Variants in RRP8 observed in about 807,000 individuals in gnomAD.
RRP8 encodes the protein ribosomal RNA-processing protein 8.
Under a neutral mutation model 45.0 loss-of-function variants are expected in RRP8, and 48 were observed. That is an observed-to-expected ratio of 1.07 (90% CI 0.85 to 1.36). RRP8 has a LOEUF of 1.36. Ranked by LOEUF, RRP8 falls within the 40% of genes most tolerant of loss-of-function variation. RRP8 has a pLI of 0.00. For synonymous variants in RRP8, 274 were observed against 212.4 expected, an observed-to-expected ratio of 1.29 and a Z score of -2.52; for missense variants, 658 against 573.7, an observed-to-expected ratio of 1.15 and a Z score of -1.50.
rs1396345111 is a variant in RRP8 at position 6,602,363 on chromosome 11, T to C, written c.100-148A>G. On this transcript the variant is annotated intron_variant, in intron 1 of 6. Coordinates refer to ENST00000254605, the MANE Select transcript of RRP8 (RefSeq NM_015324.4). Reference sequence around the variant, plus strand: ...CTGCCAGAACCCAGAAGAACTTTTATGTCACCACCCCAACTTCTGGGAAGC... The same window carrying C: ...CTGCCAGAACCCAGAAGAACTTTTACGTCACCACCCCAACTTCTGGGAAGC... 4 of 897,100 alleles carry C rather than the reference T, an allele frequency of 4.5e-6. No individual in the cohort carries two copies. The African/African-American group carries it at 5.0e-5, about 11-fold the overall frequency. The allele number at this position is 897,100 out of a possible 1,614,324, so 55.6% of individuals were successfully genotyped here. A position where few individuals can be genotyped will look rare whatever the true frequency, so the allele number is the denominator to read the frequency against.
intron 1 of RRP8, among the ~76,000 whole-genome samples, chr11:6,602,703 G>A (rs1208886452): frequency 6.6e-6 from 1 of 152,212 alleles, no homozygotes; most frequent in Non-Finnish European, 1.5e-5. Context: ...TGGTAATGGG[G>A]CTAGGGGATG....
rs1367967710 is a variant in RRP8 at position 6,601,269 on chromosome 11, G to A, written c.797C>T (p.Ala266Val). ...AGGGTCTTCCTGGAAGAGACGCTGT[G>A]CAGCACTGCTGGGCCCTGAGTACAA... is the stretch of plus-strand genomic sequence containing the variant. ...EQLYSGPSSAAQRLFQEDPEA... is the reference protein window; with the variant it reads ...EQLYSGPSSAVQRLFQEDPEA... The change falls in exon 3 of 7, where the codon GCA becomes GTA. Residue 266 changes from alanine to valine, a missense_variant. Physicochemically the swap from Ala to Val is moderately conservative, Grantham distance 64. Coordinates refer to ENST00000254605, the MANE Select transcript of RRP8 (RefSeq NM_015324.4). The A allele has an allele frequency of 3.1e-6, 5 of 1,612,280 alleles. No homozygotes were observed. Among genetic ancestry groups the A allele is most frequent in the Non-Finnish European group, 4.2e-6 (5 of 1,179,130 alleles).
At chr11:6,602,371 C>T (rs566968006) in intron 1 of RRP8, 156 bp from the exon 2 acceptor site, 3 of 809,092 alleles carry the variant, frequency 3.7e-6, no homozygotes, top group African/African-American at 3.4e-5. Flanking sequence ...TATGTCACCA[C>T]CCCAACTTCT....
chr11:6,601,010 G>C lies in RRP8; in HGVS notation c.963C>G (p.Arg321=). 6.2e-7 allele frequency: 1 copy of C among 1,614,212 alleles called. No homozygotes were observed. Among genetic ancestry groups the C allele is most frequent in the Non-Finnish European group, 8.5e-7 (1 of 1,180,042 alleles). Residue 321 remains arginine, a synonymous_variant, in exon 4 of 7, where the codon CGC becomes CGG. Coordinates refer to ENST00000254605, the MANE Select transcript of RRP8 (RefSeq NM_015324.4). ...VVADFGCGDC[R]LASSIRNPVH... ...CAGGGTTCCGGATACTTGAAGCCAAGCGGCAATCCCCACAGCCGAAGTCAG... is the reference window on the plus strand; with the variant it reads ...CAGGGTTCCGGATACTTGAAGCCAACCGGCAATCCCCACAGCCGAAGTCAG...
At position 6,601,050 on chromosome 11, in the gene RRP8, G is replaced by A. The variant is rs781358266; in HGVS notation, c.923C>T (p.Ala308Val). ...GCCGAAGTCAGCCACCACTAGGGAT[G>A]CAGGCCTGAGAGTGGAAGGCAAGGG... ...RIARDLRQRP[A>V]SLVVADFGCG... Residue 308 changes from alanine to valine, a missense_variant, in exon 4 of 7, where the codon GCA (alanine) becomes GTA (valine). Ala to Val is a moderately conservative substitution (Grantham distance 64, BLOSUM62 0). Transcript: ENST00000254605. 23 of 1,614,210 alleles carry A rather than the reference G, an allele frequency of 1.4e-5. No individual in the cohort carries two copies. Among genetic ancestry groups the A allele is most frequent in the African/African-American group, 5.3e-5 (4 of 75,044 alleles).
In RRP8 at chr11:6,600,234, T is replaced by A; in HGVS notation, c.1283A>T (p.Asp428Val). 1 of 1,601,828 alleles carries A rather than the reference T, an allele frequency of 6.2e-7. No individual in the cohort carries two copies. The highest frequency in any genetic ancestry group is 8.5e-7 in the Non-Finnish European group (1 of 1,176,190). Residue 428 changes from aspartate (D) to valine (V), a missense_variant, in exon 7 of 7, where the codon GAT (aspartate) becomes GTT (valine). Transcript: ENST00000254605. ...CAGAGGGGGCCCAGTCTTTTGGAAA[T>A]CAAACAAGAAGAAATGGCTGTTGGT... ...DLTNSHFFLF[D>V]FQKTGPPLVG...
rs1212877067 is a variant in RRP8, at chr11:6,600,515, T to C, written c.1222A>G (p.Thr408Ala). 1 of 1,613,754 alleles carries C rather than the reference T, an allele frequency of 6.2e-7. No individual in the cohort carries two copies. Among genetic ancestry groups the C allele is most frequent in the Middle Eastern group, 1.7e-4 (1 of 5,776 alleles). The stretch of plus-strand genomic sequence containing the variant: ...GAGACAATCTTGAAGCCTAGCTTGG[T>C]CACAGCCCGCAGAAAGGTTCGAACA... The part of the protein sequence containing the change: ...EDVRTFLRAV[T>A]KLGFKIVSKD... The change falls in exon 6 of 7, where the codon ACC becomes GCC. Residue 408 changes from threonine (T) to alanine (A), a missense_variant. By Grantham distance (58) the Thr-to-Ala change is moderately conservative. Transcript: ENST00000254605.
chr11:6,600,337 T>A, intron 6 of RRP8, 72 bp from the exon 7 acceptor site: 1 of 1,305,180 alleles, frequency 7.7e-7, no homozygotes, highest in Non-Finnish European at 1.1e-6. Context: ...CTCTATGTAC[T>A]GCCTCTGCTC....
At position 6,602,213 on chromosome 11, in the gene RRP8, GC is replaced by G. The variant is rs780078010; in HGVS notation, c.101del (p.Gly34AlafsTer14). ...TGGCCAAGAGCTGGCGGCGCTTGGA[GC>G]CCTGGAGGAAAACAGGGGATGACAG... ...PPPAASSQNK[G>X]SKRRQLLATL... On this transcript the variant is annotated frameshift_variant and splice_region_variant, in exon 2 of 7. Transcript: ENST00000254605. LOFTEE classifies it high-confidence loss of function. 1.9e-6 allele frequency: 3 copies of G among 1,546,280 alleles called. No individual in the cohort carries two copies. In the Admixed American group the frequency reaches 6.1e-5, roughly 31 times the overall value.
rs146302834 is a variant in RRP8 at position 6,600,550 on chromosome 11, C to T, written c.1187G>A (p.Arg396His). The T allele has an allele frequency of 1.9e-5, 30 of 1,613,972 alleles. No individual in the cohort carries two copies. In the Middle Eastern group the frequency reaches 5.0e-4, roughly 27 times the overall value. Reference sequence around the variant, plus strand: ...CAGAAAGGTTCGAACATCCTCAAAGCGGCTGCTGACCTCAGCCACTTTCAG... The same window carrying T: ...CAGAAAGGTTCGAACATCCTCAAAGTGGCTGCTGACCTCAGCCACTTTCAG... Reference protein sequence around the residue: ...GLLKVAEVSSRFEDVRTFLRA... With the variant: ...GLLKVAEVSSHFEDVRTFLRA... Residue 396 changes from arginine to histidine, a missense_variant, in exon 6 of 7, where the codon CGC (arginine) becomes CAC (histidine). Transcript: ENST00000254605.
chr11:6,600,891 C>A, intron 4 of RRP8, 35 bp downstream of exon 4: 1 of 1,613,794 alleles, frequency 6.2e-7, no homozygotes, highest in Non-Finnish European at 8.5e-7. Flanking sequence ...CGGAGGTTGG[C>A]CCTAGAGCAC....
Position 6,601,138 on chromosome 11 carries a change from C to T in RRP8, c.917+11G>A. 1.9e-6 allele frequency: 3 copies of T among 1,613,658 alleles called. No individual in the cohort carries two copies. Among genetic ancestry groups the T allele is most frequent in the East Asian group, 2.2e-5 (1 of 44,878 alleles). On this transcript the variant is annotated intron_variant, in intron 3 of 6. Transcript: ENST00000254605. Reference sequence around the variant, plus strand: ...CCACATGGCTTCTCACAGTCCCTGACCCCCATTCACCGCTGGCGAAGATCC... The same window carrying T: ...CCACATGGCTTCTCACAGTCCCTGATCCCCATTCACCGCTGGCGAAGATCC...
chr11:6,600,838 T>C (rs1236313806), intron 4 of RRP8, 63 bp from the exon 5 acceptor site: 13 of 1,608,844 alleles, frequency 8.1e-6, no homozygotes, highest in African/African-American at 1.3e-5. Flanking sequence ...AGCACTGAGA[T>C]ACCAGGATGG....
In RRP8 at chr11:6,601,621, G is replaced by A. The variant is rs1408430148; in HGVS notation, c.464-19C>T. ...TTGGGACCTACAGGGAGGGAGATGG[G>A]AAGGTGCACATGAGGCAAGATCTCT... On this transcript the variant is annotated intron_variant, in intron 2 of 6. Coordinates refer to ENST00000254605, the MANE Select transcript of RRP8 (RefSeq NM_015324.4). 1 of 1,588,136 alleles carries A rather than the reference G, an allele frequency of 6.3e-7. No homozygotes were observed. The highest frequency in any genetic ancestry group is 8.5e-7 in the Non-Finnish European group (1 of 1,172,832).
intron 1 of RRP8, among the ~76,000 whole-genome samples, chr11:6,602,528 T>A (rs1854439892): frequency 6.6e-6 from 1 of 152,182 alleles, no homozygotes; most frequent in African/African-American, 2.4e-5. Context: ...CACCTTGAGC[T>A]TTTGCCTAGA....
Position 6,601,501 on chromosome 11 carries a change from G to A in RRP8, c.565C>T (p.Arg189Trp), listed in dbSNP as rs199542011. Reference protein sequence around the residue: ...PPHTLSRKQWRNRQKNKRRCK... With the variant: ...PPHTLSRKQWWNRQKNKRRCK... ...CTTCTCTTGTTCTTTTGCCGGTTCC[G>A]CCACTGCTTGCGGCTTAATGTATGA... Residue 189 changes from arginine to tryptophan, a missense_variant, in exon 3 of 7, where the codon CGG becomes TGG. Physicochemically the swap from Arg to Trp is moderately radical, Grantham distance 101. Coordinates refer to ENST00000254605, the MANE Select transcript of RRP8 (RefSeq NM_015324.4). 4.5e-5 allele frequency: 73 copies of A among 1,612,532 alleles called. No homozygotes were observed. The highest frequency in any genetic ancestry group is 1.6e-4 in the Middle Eastern group (1 of 6,084).
chr11:6,602,934 A>T (rs932443998), intron 1 of RRP8, among the ~76,000 whole-genome samples: 10 of 152,102 alleles, frequency 6.6e-5, no homozygotes, highest in Non-Finnish European at 1.2e-4. Context: ...GATACTGACA[A>T]CTCTTACTGT....
Position 6,603,413 on chromosome 11 carries a change from C to T in RRP8, c.90G>A (p.Ser30=). Residue 30 remains serine, a synonymous_variant, in exon 1 of 7, where the codon TCG becomes TCA. Coordinates refer to ENST00000254605, the MANE Select transcript of RRP8 (RefSeq NM_015324.4). ...VISRPPPAAS[S]QNKGSKRRQL... ...CCCGCGAGTCACTCACCTTGTTTTGCGAGGAGGCCGCAGGCGGAGGTCGTG... is the reference window on the plus strand; with the variant it reads ...CCCGCGAGTCACTCACCTTGTTTTGTGAGGAGGCCGCAGGCGGAGGTCGTG... 6.2e-7 allele frequency: 1 copy of T among 1,601,690 alleles called. No individual in the cohort carries two copies.
rs1220407434 is a variant in RRP8, at chr11:6,597,278, A to AT, written c.*2867dup. On this transcript the variant is annotated 3_prime_UTR_variant, in exon 7 of 7. Coordinates refer to ENST00000254605, the MANE Select transcript of RRP8 (RefSeq NM_015324.4). The stretch of plus-strand genomic sequence containing the variant: ...ATGAGGAGAGGTAAACAGATAAATC[A>AT]TTTTGCCCTGACTGGGTATTTCTAT... 6.6e-6 allele frequency: 1 copy of AT among 151,900 alleles called. No individual in the cohort carries two copies. Among genetic ancestry groups the AT allele is most frequent in the African/African-American group, 2.4e-5 (1 of 41,292 alleles). 9.4% of individuals were successfully genotyped at this position (151,900 alleles called of 1,614,324 possible). A position where few individuals can be genotyped will look rare whatever the true frequency, so the allele number is the denominator to read the frequency against.
Sources: allele counts gnomAD v4.1 joint callset (sites outside exome capture counted in the v4.1 genomes callset), GRCh38; gene constraint gnomAD v4.1.1; transcripts MANE v1.5; gene names NCBI Gene and HGNC (gene_info 2026-07-23, HGNC 2026-07-21).